The following TMEM68 variants were observed in gnomAD, a reference collection of about 807,000 sequenced individuals.
TMEM68 encodes the protein transmembrane protein 68, also known as DGAT1/2-independent enzyme synthesizing storage lipids.
TMEM68 carries 25 observed loss-of-function variants against 36.9 expected under a neutral mutation model. The observed-to-expected ratio is 0.68, with a 90% CI of 0.49 to 0.95. The LOEUF (loss-of-function observed/expected upper bound fraction) is 0.95. TMEM68 is among the 40% of genes least tolerant of loss of function. TMEM68 has a pLI of 0.00. For missense variants in TMEM68, 333 were observed against 392.0 expected (o/e 0.85, Z 1.27); for synonymous variants, 131 against 124.4 (o/e 1.05, Z -0.35).
At position 55,762,645 on chromosome 8, in the gene TMEM68, G is replaced by A. The variant is rs182091317; in HGVS notation, c.315C>T (p.Ala105=). 45 of 1,614,124 alleles carry A rather than the reference G, an allele frequency of 2.8e-5. No individual in the cohort carries two copies. In the Admixed American group the frequency reaches 3.8e-4, roughly 14 times the overall value. The change falls in exon 3 of 8, where the codon GCC becomes GCT. Residue 105 remains alanine (A), a synonymous_variant. Coordinates refer to ENST00000434581, the MANE Select transcript of TMEM68 (RefSeq NM_001286657.2). ...TVATLWDGHA[A]VWHGYEVHGM... is the part of the protein sequence containing the mutation. Reference sequence around the variant, plus strand: ...AGTATCCTTGCTTACCATGCCAAACGGCTGCATGTCCATCCCACAGAGTTG... The same window carrying A: ...AGTATCCTTGCTTACCATGCCAAACAGCTGCATGTCCATCCCACAGAGTTG...
At chr8:55,754,639 AATAT>A (rs1180715840) in intron 4 of TMEM68, among the ~76,000 whole-genome samples, 2 of 131,992 alleles carry the variant, frequency 1.5e-5, no homozygotes, top group African/African-American at 5.7e-5. Flanking sequence ...TACATTATAT[AATAT>A]ATATTTATAT....
chr8:55,765,646 C>T (rs1257522533), intron 1 of TMEM68, among the ~76,000 whole-genome samples: 2 of 152,130 alleles, frequency 1.3e-5, no homozygotes, highest in East Asian at 1.9e-4. Context: ...CTATTTTCTA[C>T]ATCTCTACAA....
At chr8:55,746,317 C>CAG (rs1554551776) in intron 5 of TMEM68, 1 of 57,184 alleles carries the variant, frequency 1.7e-5, no homozygotes, top group Admixed American at 3.2e-4. Context: ...CACTGTCTCC[C>CAG]AAAAAAAAAA....
chr8:55,756,513 T>C, intron 3 of TMEM68, 102 bp from the exon 4 acceptor site: 1 of 988,670 alleles, frequency 1.0e-6, no homozygotes, highest in Non-Finnish European at 1.4e-6. Context: ...AGTACACTAG[T>C]CTTCCTGGTT....
chr8:55,772,015 C>CT (rs1251556095), intron 1 of TMEM68, among the ~76,000 whole-genome samples: 1 of 152,118 alleles, frequency 6.6e-6, no homozygotes. Flanking sequence ...ATCTTCCACT[C>CT]TGTTTCATAA....
At chr8:55,756,173 AT>A in intron 4 of TMEM68, 70 bp downstream of exon 4, 1 of 1,400,302 alleles carries the variant, frequency 7.1e-7, no homozygotes, top group Non-Finnish European at 9.7e-7. Flanking sequence ...AGAGCTCAGG[AT>A]AGAGACGACC....
intron 4 of TMEM68, among the ~76,000 whole-genome samples, chr8:55,754,976 CAT>C (rs1346414901): frequency 3.2e-5 from 4 of 124,472 alleles, no homozygotes; most frequent in Non-Finnish European, 5.0e-5. Flanking sequence ...CACACACACA[CAT>C]AGCCTTTATA....
intron 3 of TMEM68, among the ~76,000 whole-genome samples, chr8:55,760,403 G>GA (rs1338764620): frequency 2.6e-5 from 4 of 152,164 alleles, no homozygotes; most frequent in Non-Finnish European, 4.4e-5. Flanking sequence ...ATCAAGGGCA[G>GA]AATCAGGCTC....
At chr8:55,769,152 G>A (rs187721259) in intron 1 of TMEM68, among the ~76,000 whole-genome samples, 44 of 150,456 alleles carry the variant, frequency 2.9e-4, no homozygotes, top group African/African-American at 9.0e-4. Flanking sequence ...TGGTAATGCC[G>A]TCTCTACTAA....
At chr8:55,768,602 T>C (rs898294504) in intron 1 of TMEM68, among the ~76,000 whole-genome samples, 1 of 152,060 alleles carries the variant, frequency 6.6e-6, no homozygotes, top group African/African-American at 2.4e-5. Context: ...CCCAACACTT[T>C]GGGAGGCCAA....
Position 55,756,296 on chromosome 8 carries a change from G to C in TMEM68, c.441C>G (p.His147Gln), listed in dbSNP as rs372564678. 1.9e-5 allele frequency: 30 copies of C among 1,606,122 alleles called. No homozygotes were observed. In the Middle Eastern group the frequency reaches 6.6e-4, roughly 35 times the overall value. ...CTACTACTCGGCAAGTTCTGCCTTT[G>C]TGTATAAATATTTTAGCCATGAAAT... ...FYYFMAKIFI[H>Q]KGRTCRVVAD... The change falls in exon 4 of 8, where the codon CAC (histidine) becomes CAG (glutamine). Residue 147 changes from histidine (H) to glutamine (Q), a missense_variant. His to Gln is a conservative substitution (Grantham distance 24). Transcript: ENST00000434581.
chr8:55,769,051 A>ACAGT (rs1811068903), intron 1 of TMEM68, among the ~76,000 whole-genome samples: 1 of 147,682 alleles, frequency 6.8e-6, no homozygotes, highest in East Asian at 2.0e-4. Context: ...AGGGCCAGGC[A>ACAGT]CAGTGGTTCA....
At chr8:55,754,950 C>T (rs537831234) in intron 4 of TMEM68, among the ~76,000 whole-genome samples, 2,173 of 7,946 alleles carry the variant, frequency 0.27, 63 homozygotes, top group East Asian at 0.42. Flanking sequence ...TTTATACACA[C>T]ACACACACAC....
chr8:55,742,343 C>T (rs1810126557), intron 7 of TMEM68, among the ~76,000 whole-genome samples: 2 of 152,110 alleles, frequency 1.3e-5, no homozygotes, highest in Admixed American at 1.3e-4. Flanking sequence ...CTTAACAGTA[C>T]TGAACTGTAT....
intron 1 of TMEM68, among the ~76,000 whole-genome samples, chr8:55,765,194 GT>G: frequency 6.6e-6 from 1 of 152,240 alleles, no homozygotes; most frequent in Admixed American, 6.5e-5. Context: ...TAACTTCCCC[GT>G]AACTTTTCCC....
chr8:55,759,206 G>A lies in TMEM68; in HGVS notation c.326-2795C>T, dbSNP rs892489340. On this transcript the variant is annotated intron_variant, in intron 3 of 7. Coordinates refer to ENST00000434581, the MANE Select transcript of TMEM68 (RefSeq NM_001286657.2). The stretch of plus-strand genomic sequence containing the variant: ...AGGCCAAGGCAGGAGGATTGCTTGA[G>A]GCTAGGAGTTTAAGATCAGCCTGGG... Among the ~76,000 whole-genome samples, 3 of 149,270 alleles carry A rather than the reference G, an allele frequency of 2.0e-5. No individual in the cohort carries two copies. The Admixed American group carries it at 2.0e-4, about 10-fold the overall frequency.
At position 55,740,149 on chromosome 8, in the gene TMEM68, A is replaced by T; in HGVS notation, c.958T>A (p.Leu320Ile). 1 of 1,613,292 alleles carries T rather than the reference A, an allele frequency of 6.2e-7. No individual in the cohort carries two copies. The highest frequency in any genetic ancestry group is 8.5e-7 in the Non-Finnish European group (1 of 1,179,776). ...CTTTGTTATCAATGAAAACGTTCTA[A>T]CAAAGCACTCATAATGTTTCCTGGT... ...RIPGNIMSAL[L>I]ERFH Residue 320 changes from leucine to isoleucine, a missense_variant, in exon 8 of 8, where the codon TTA (leucine) becomes ATA (isoleucine). Leu to Ile is a conservative substitution (Grantham distance 5). Coordinates refer to ENST00000434581, the MANE Select transcript of TMEM68 (RefSeq NM_001286657.2).
intron 3 of TMEM68, among the ~76,000 whole-genome samples, chr8:55,759,296 C>T (rs1279179510): frequency 6.7e-6 from 1 of 150,372 alleles, no homozygotes; most frequent in African/African-American, 2.4e-5. Flanking sequence ...ACAGTCCGGG[C>T]ACAGTGGCTC....
chr8:55,754,844 A>G (rs1810548534), intron 4 of TMEM68, among the ~76,000 whole-genome samples: 2 of 134,166 alleles, frequency 1.5e-5, no homozygotes, highest in Admixed American at 8.6e-5. Flanking sequence ...ATTATGTAAT[A>G]TATATTTATA....
Sources: allele counts gnomAD v4.1 joint callset (sites outside exome capture counted in the v4.1 genomes callset), GRCh38; gene constraint gnomAD v4.1.1; transcripts MANE v1.5; gene names NCBI Gene and HGNC (gene_info 2026-07-23, HGNC 2026-07-21).